Variants in STPG2 observed in about 807,000 individuals in gnomAD.
STPG2 encodes the protein sperm tail PG-rich repeat containing 2.
In STPG2, 56 loss-of-function variants were observed where a neutral mutation model predicts 54.2. The observed-to-expected ratio is 1.03, with a 90% CI of 0.83 to 1.29. The LOEUF (loss-of-function observed/expected upper bound fraction) is 1.29. Ranked by LOEUF, STPG2 falls within the 50% of genes most tolerant of loss-of-function variation. The pLI, the probability that STPG2 is intolerant of heterozygous loss-of-function variation, is 0.00. For synonymous variants in STPG2, 200 were observed against 181.8 expected (o/e 1.10, Z -0.81); for missense variants, 596 against 544.9 (o/e 1.09, Z -0.93).
intron 5 of STPG2, among the ~76,000 whole-genome samples, chr4:97,982,464 T>C (rs2149263992): frequency 6.6e-6 from 1 of 152,116 alleles, no homozygotes; most frequent in Non-Finnish European, 1.5e-5. Flanking sequence ...TACTTCAGTA[T>C]GTATTTACAA....
chr4:97,741,768 A>G (rs1434356482), intron 9 of STPG2, among the ~76,000 whole-genome samples: 1 of 151,890 alleles, frequency 6.6e-6, no homozygotes, highest in Non-Finnish European at 1.5e-5. Context: ...TGTTGGTGGG[A>G]CTGTAAACTA....
At chr4:97,855,050 A>T (rs777228990) in intron 8 of STPG2, among the ~76,000 whole-genome samples, 1 of 151,972 alleles carries the variant, frequency 6.6e-6, no homozygotes, top group South Asian at 2.1e-4. Context: ...ATGGCTTCCA[A>T]CTCTATTCAT....
rs865978101 is a variant in STPG2 at position 97,481,905 on chromosome 4, C to T, written c.462+230794G>A. On this transcript the variant is annotated intron_variant, in intron 4 of 4. Coordinates refer to the STPG2 transcript ENST00000522676. ...GAATAGGAGATGTGAACACAGCCAT[C>T]CTTGTCTTGCTTCTCATTTGAGGGC... Among the ~76,000 whole-genome samples, 7 of 151,664 alleles carry T rather than the reference C, an allele frequency of 4.6e-5. No individual in the cohort carries two copies. In the East Asian group the frequency reaches 1.2e-3, roughly 25 times the overall value.
intron 7 of STPG2, among the ~76,000 whole-genome samples, chr4:97,955,082 G>A (rs1733622506): frequency 6.6e-6 from 1 of 152,026 alleles, no homozygotes; most frequent in African/African-American, 2.4e-5. Context: ...TACAATATCT[G>A]AAATTAAGAA....
chr4:98,026,245 A>T, intron 5 of STPG2: 1 of 952,472 alleles, frequency 1.0e-6, no homozygotes, highest in Non-Finnish European at 1.7e-6. Flanking sequence ...TCAAGAGCTC[A>T]GGAGTGGGCT....
chr4:97,921,047 T>C (rs552551294), intron 8 of STPG2, among the ~76,000 whole-genome samples: 1 of 152,284 alleles, frequency 6.6e-6, no homozygotes, highest in African/African-American at 2.4e-5. Context: ...AGCACCTGGG[T>C]GTAACACAGA....
intron 4 of STPG2, among the ~76,000 whole-genome samples, chr4:97,500,852 G>T (rs773582614): frequency 2.0e-5 from 3 of 152,058 alleles, no homozygotes; most frequent in Non-Finnish European, 4.4e-5. Flanking sequence ...CTACTGAGTT[G>T]CAGGGAGAAT....
At chr4:97,996,685 G>A (rs1735252493) in intron 5 of STPG2, among the ~76,000 whole-genome samples, 2 of 152,122 alleles carry the variant, frequency 1.3e-5, no homozygotes, top group Non-Finnish European at 2.9e-5. Flanking sequence ...ATCTGACAAA[G>A]ATCTAATATC....
chr4:97,620,671 C>T (rs535211762), intron 10 of STPG2, among the ~76,000 whole-genome samples: 2 of 152,208 alleles, frequency 1.3e-5, no homozygotes, highest in South Asian at 2.1e-4. Context: ...TATGAAGAGA[C>T]TTAGATTTTC....
intron 1 of STPG2, among the ~76,000 whole-genome samples, chr4:98,136,337 A>G (rs1212023072): frequency 2.0e-5 from 3 of 151,706 alleles, no homozygotes; most frequent in South Asian, 4.1e-4. Context: ...GTAAATTGAA[A>G]CTGCATGTAA....
chr4:97,679,582 T>C (rs1030510460), intron 10 of STPG2, among the ~76,000 whole-genome samples: 1 of 152,064 alleles, frequency 6.6e-6, no homozygotes, highest in Non-Finnish European at 1.5e-5. Context: ...AGGTTGCCTG[T>C]TCACTCTGAT....
intron 4 of STPG2, among the ~76,000 whole-genome samples, chr4:97,509,609 C>T (rs957726072): frequency 1.3e-5 from 2 of 151,954 alleles, no homozygotes; most frequent in Non-Finnish European, 2.9e-5. Context: ...TAGGTGTTAA[C>T]ACTAGAAAGT....
intron 8 of STPG2, among the ~76,000 whole-genome samples, chr4:97,912,070 AC>A (rs1237583230): frequency 6.6e-6 from 1 of 151,644 alleles, no homozygotes; most frequent in African/African-American, 2.4e-5. Flanking sequence ...TCCGGAGTGG[AC>A]CCCCCAAAAC....
intron 8 of STPG2, among the ~76,000 whole-genome samples, chr4:97,889,597 T>C (rs1262849505): frequency 6.6e-6 from 1 of 152,060 alleles, no homozygotes; most frequent in Non-Finnish European, 1.5e-5. Context: ...CTCACTAATA[T>C]GTGGAATTGA....
In STPG2 at chr4:97,468,419, C is replaced by T. The variant is rs144459413; in HGVS notation, c.462+244280G>A. 9.3e-3 allele frequency among the ~76,000 whole-genome samples: 1,419 copies of T among 151,954 alleles called. 69 individuals are homozygous for T. The highest frequency in any genetic ancestry group is 0.083 in the Admixed American group (1,267 of 15,220). On this transcript the variant is annotated intron_variant, in intron 4 of 4. Transcript: ENST00000522676. ...AAACTCTAGTGCCTTCTGTGCTATC[C>T]GAAAATGAGCTTAATTGCACAGGTT...
chr4:97,540,588 C>A (rs985633684), intron 4 of STPG2, among the ~76,000 whole-genome samples: 3 of 152,112 alleles, frequency 2.0e-5, no homozygotes, highest in Non-Finnish European at 2.9e-5. Flanking sequence ...CTATTCCAAT[C>A]AATAGAAAAA....
chr4:97,680,615 C>T, intron 10 of STPG2, among the ~76,000 whole-genome samples: 1 of 152,140 alleles, frequency 6.6e-6, no homozygotes, highest in African/African-American at 2.4e-5. Context: ...ATTGAATACC[C>T]TTTATTTCCT....
intron 10 of STPG2, among the ~76,000 whole-genome samples, chr4:97,701,393 C>T (rs1578491567): frequency 1.3e-5 from 2 of 152,178 alleles, no homozygotes; most frequent in African/African-American, 2.4e-5. Flanking sequence ...ATTGGATCCC[C>T]TGAATCAATG....
chr4:98,095,281 A>G (rs926583642), intron 5 of STPG2, among the ~76,000 whole-genome samples: 1 of 152,230 alleles, frequency 6.6e-6, no homozygotes, highest in African/African-American at 2.4e-5. Flanking sequence ...CAAAACAACC[A>G]GAAAACAAAT....
Sources: allele counts gnomAD v4.1 joint callset (sites outside exome capture counted in the v4.1 genomes callset), GRCh38; gene constraint gnomAD v4.1.1; transcripts MANE v1.5; gene names NCBI Gene and HGNC (gene_info 2026-07-23, HGNC 2026-07-21).